Variants in JCAD observed in about 807,000 individuals in gnomAD.
The protein encoded by JCAD is junctional cadherin 5-associated protein.
A neutral mutation model predicts 98.0 loss-of-function variants in JCAD; 40 were observed. The ratio of observed to expected loss-of-function variants is 0.41; its 90% CI spans 0.32 to 0.53. JCAD has a LOEUF of 0.53. JCAD is among the 20% of genes least tolerant of loss of function. The probability of loss-of-function intolerance (pLI) is 0.31; values close to 1 mark genes in which losing one functional copy is unlikely to be tolerated. For missense variants in JCAD, 1,705 were observed against 1,738.1 expected (o/e 0.98, Z 0.34); for synonymous variants, 691 against 682.3 (o/e 1.01, Z -0.20).
chr10:30,043,771 C>T (rs1250643501), intron 2 of JCAD, among the ~76,000 whole-genome samples: 1 of 152,202 alleles, frequency 6.6e-6, no homozygotes, highest in African/African-American at 2.4e-5. Flanking sequence ...CAGCCAGGCC[C>T]AGTGCTGCTG....
At chr10:30,078,452 G>T (rs866890091) in intron 1 of JCAD, among the ~76,000 whole-genome samples, 2 of 152,050 alleles carry the variant, frequency 1.3e-5, no homozygotes, top group South Asian at 2.1e-4. Context: ...TCAGAGAACT[G>T]CCATTTAGTG....
At chr10:30,099,141 A>C (rs1287066243) in intron 1 of JCAD, among the ~76,000 whole-genome samples, 1 of 152,244 alleles carries the variant, frequency 6.6e-6, no homozygotes, top group Non-Finnish European at 1.5e-5. Flanking sequence ...CTTTTAAAGA[A>C]AATTATTTAA....
intron 2 of JCAD, among the ~76,000 whole-genome samples, chr10:30,037,001 G>T (rs1010724684): frequency 1.3e-5 from 2 of 152,180 alleles, no homozygotes; most frequent in Non-Finnish European, 2.9e-5. Flanking sequence ...CTGTATCTAG[G>T]CATTGGTATC....
At chr10:30,068,448 C>A (rs1457983074) in intron 2 of JCAD, among the ~76,000 whole-genome samples, 1 of 149,038 alleles carries the variant, frequency 6.7e-6, no homozygotes, top group African/African-American at 2.5e-5. Flanking sequence ...AGAAAACTTT[C>A]CATTTCATTA....
intron 1 of JCAD, among the ~76,000 whole-genome samples, chr10:30,087,513 C>T (rs190501132): frequency 9.7e-4 from 148 of 152,306 alleles, no homozygotes; most frequent in Admixed American, 2.9e-3. Flanking sequence ...TAGCACTTTA[C>T]TCCTCCATCT....
chr10:30,052,548 G>A (rs941125384), intron 1 of JCAD, among the ~76,000 whole-genome samples: 3 of 152,186 alleles, frequency 2.0e-5, no homozygotes, highest in Admixed American at 2.0e-4. Context: ...GGCCACCCAA[G>A]AGAGTAGGGA....
intron 1 of JCAD, among the ~76,000 whole-genome samples, chr10:30,097,628 G>T (rs1838394822): frequency 6.6e-6 from 1 of 152,050 alleles, no homozygotes; most frequent in Non-Finnish European, 1.5e-5. Context: ...ACTGTAGTGG[G>T]CCTGTAGTCC....
intron 1 of JCAD, among the ~76,000 whole-genome samples, chr10:30,070,392 A>C (rs1259302108): frequency 6.6e-6 from 1 of 152,148 alleles, no homozygotes; most frequent in Non-Finnish European, 1.5e-5. Flanking sequence ...TGTCGTCTGC[A>C]CATACCATCC....
rs71023540 is a variant in JCAD at position 30,034,222 on chromosome 10, CAATAAT to C, written c.282-4362_282-4357del. ...TGGGCGACAGAGCAAGACTCCATCT[CAATAAT>C]AATAATAATAATAATAATAATGATA... On this transcript the variant is annotated intron_variant, in intron 2 of 3. Coordinates refer to ENST00000375377, the MANE Select transcript of JCAD (RefSeq NM_020848.4). Among the ~76,000 whole-genome samples the C allele has an allele frequency of 1.6e-3, 239 of 149,324 alleles. 1 individual carries two copies. The highest frequency in any genetic ancestry group is 5.6e-3 in the African/African-American group (226 of 40,262).
chr10:30,026,307 A>C lies in JCAD; in HGVS notation c.3841T>G (p.Ser1281Ala), dbSNP rs1440782089. 1 of 1,614,036 alleles carries C rather than the reference A, an allele frequency of 6.2e-7. No homozygotes were observed. Among genetic ancestry groups the C allele is most frequent in the South Asian group, 1.1e-5 (1 of 91,086 alleles). ...MRVLSFRNAD[S>A]QEDAEELKAT... ...TTCAATTCCTCGGCGTCCTCCTGGG[A>C]GTCGGCATTCCTGAAGCTCAGGACT... Residue 1281 changes from serine to alanine, a missense_variant, in exon 3 of 4, where the codon TCC (serine) becomes GCC (alanine). Around this residue, in one of 3 missense-constraint regions of JCAD, gnomAD observed 1,278 missense variants for 1,243.1 expected, o/e 1.03. Coordinates refer to ENST00000375377, the MANE Select transcript of JCAD (RefSeq NM_020848.4).
intron 1 of JCAD, among the ~76,000 whole-genome samples, chr10:30,090,768 G>T (rs1040136650): frequency 6.6e-6 from 1 of 152,170 alleles, no homozygotes; most frequent in Non-Finnish European, 1.5e-5. Flanking sequence ...TCCCAAGGTG[G>T]AAGGATTGGT....
chr10:30,103,669 A>T (rs1177933530), intron 1 of JCAD, among the ~76,000 whole-genome samples: 1 of 151,880 alleles, frequency 6.6e-6, no homozygotes, highest in East Asian at 1.9e-4. Context: ...GATCCCAAAT[A>T]AGCCCTTTCT....
Position 30,027,424 on chromosome 10 carries a change from T to C in JCAD, c.2724A>G (p.Arg908=). 6.2e-7 allele frequency: 1 copy of C among 1,603,568 alleles called. No individual in the cohort carries two copies. The highest frequency in any genetic ancestry group is 2.2e-5 in the East Asian group (1 of 44,794). ...VPESPVCRSG[R]GESKSESWSE... is the part of the protein sequence containing the mutation. ...TCCAGCTCTCAGACTTACTCTCACC[T>C]CTTCCCGACCTACACACAGGGCTCT... The change falls in exon 3 of 4, where the codon AGA becomes AGG. Residue 908 remains arginine (R), a synonymous_variant. Coordinates refer to ENST00000375377, the MANE Select transcript of JCAD (RefSeq NM_020848.4).
chr10:30,046,123 C>G (rs1425596799), intron 2 of JCAD, among the ~76,000 whole-genome samples: 1 of 152,138 alleles, frequency 6.6e-6, no homozygotes. Flanking sequence ...TGCTGACATG[C>G]AGTTACATAA....
At chr10:30,043,106 A>T (rs2132637968) in intron 2 of JCAD, among the ~76,000 whole-genome samples, 1 of 152,360 alleles carries the variant, frequency 6.6e-6, no homozygotes. Context: ...TAGCAAGTTC[A>T]CATGCTCCTT....
intron 1 of JCAD, among the ~76,000 whole-genome samples, chr10:30,079,249 A>G (rs1288398223): frequency 6.7e-6 from 1 of 149,292 alleles, no homozygotes; most frequent in East Asian, 2.0e-4. Flanking sequence ...CGGGAGGCTG[A>G]GGCAAGAGAA....
rs1836472581 is a variant in JCAD at position 30,013,675 on chromosome 10, G to A, written c.*4208C>T. 1 of 152,148 alleles carries A rather than the reference G, an allele frequency of 6.6e-6. No homozygotes were observed. Among genetic ancestry groups the A allele is most frequent in the South Asian group, 2.1e-4 (1 of 4,812 alleles). The allele number at this position is 152,148 out of a possible 1,614,324, so 9.4% of individuals were successfully genotyped here. ...TTGGCTTGGTTGTAAGCCCTAGTAGGGCCTGTCTTTCATACGGAAAGGGTT... is the reference window on the plus strand; with the variant it reads ...TTGGCTTGGTTGTAAGCCCTAGTAGAGCCTGTCTTTCATACGGAAAGGGTT... On this transcript the variant is annotated 3_prime_UTR_variant, in exon 4 of 4. Transcript: ENST00000375377.
intron 1 of JCAD, among the ~76,000 whole-genome samples, chr10:30,099,498 C>A (rs1205790227): frequency 6.6e-6 from 1 of 151,850 alleles, no homozygotes; most frequent in Non-Finnish European, 1.5e-5. Flanking sequence ...GTTTGTGAAG[C>A]ACTTATTATG....
chr10:30,046,321 T>C (rs1183435338), intron 2 of JCAD, among the ~76,000 whole-genome samples: 2 of 152,142 alleles, frequency 1.3e-5, no homozygotes, highest in Non-Finnish European at 2.9e-5. Flanking sequence ...TCTCCTTTTT[T>C]ACCATCCTGT....
Sources: gnomAD v4.1 joint callset for allele counts (sites outside exome capture counted in the v4.1 genomes callset) on GRCh38, gnomAD v4.1.1 for gene constraint, gnomAD v4.1.1 regional missense constraint, MANE v1.5 for transcripts, NCBI Gene and HGNC (gene_info 2026-07-23, HGNC 2026-07-21) for gene names.